IL1RAPL1: variants seen among roughly 807,000 people sequenced by gnomAD.
The protein encoded by IL1RAPL1 is interleukin-1 receptor accessory protein-like 1.
A neutral mutation model predicts 48.4 loss-of-function variants in IL1RAPL1; 3 were observed. The ratio of observed to expected loss-of-function variants is 0.06; its 90% CI spans 0.03 to 0.16. The LOEUF (loss-of-function observed/expected upper bound fraction) is 0.16. Among genes scored for constraint, IL1RAPL1 ranks in the 10% least tolerant of loss-of-function variants. The probability of loss-of-function intolerance (pLI) is 1.00; values close to 1 mark genes in which losing one functional copy is unlikely to be tolerated. For synonymous variants in IL1RAPL1, 185 were observed against 187.7 expected, an observed-to-expected ratio of 0.99 and a Z score of 0.12; for missense variants, 349 against 530.6, an observed-to-expected ratio of 0.66 and a Z score of 3.36.
intron 2 of IL1RAPL1, among the ~76,000 whole-genome samples, chrX:29,211,997 A>G (rs765004945): frequency 4.0e-4 from 44 of 110,630 alleles, no homozygotes; most frequent in Admixed American, 6.8e-4. Flanking sequence ...CTCATATCCA[A>G]ACTTGGATAT....
chrX:28,860,585 G>A (rs1921917458), intron 2 of IL1RAPL1, among the ~76,000 whole-genome samples: 1 of 108,388 alleles, frequency 9.2e-6, no homozygotes, highest in Non-Finnish European at 1.9e-5. Flanking sequence ...AGACTCCCGA[G>A]TAGCTGGGAT....
chrX:29,239,815 G>A (rs1268289183), intron 2 of IL1RAPL1, among the ~76,000 whole-genome samples: 3 of 110,162 alleles, frequency 2.7e-5, no homozygotes, highest in African/African-American at 9.9e-5. Flanking sequence ...TGTGGCCAGG[G>A]GAAGCCAAAA....
Position 29,230,534 on chromosome X carries a change from A to AC in IL1RAPL1, c.83-52404_83-52403insC, listed in dbSNP as rs1676558498. On this transcript the variant is annotated intron_variant, in intron 2 of 10. Transcript: ENST00000378993. ...AAAAAAAAAAAAAAAAAAAAAAAAA[A>AC]ACCTTGTTGTCTCTCAGGCAACCAG... Among the ~76,000 whole-genome samples the AC allele has an allele frequency of 4.0e-5, 4 of 101,190 alleles. No homozygotes were observed. The East Asian group carries it at 1.2e-3, about 30-fold the overall frequency. 87.9% of individuals were successfully genotyped at this position (101,190 alleles called of 115,157 possible). A position where few individuals can be genotyped will look rare whatever the true frequency, so the allele number is the denominator to read the frequency against.
chrX:29,102,580 C>T (rs751088626), intron 2 of IL1RAPL1, among the ~76,000 whole-genome samples: 6 of 108,940 alleles, frequency 5.5e-5, no homozygotes, highest in Middle Eastern at 4.6e-3. Flanking sequence ...GCAGGAGAAT[C>T]GCTTGAACCC....
intron 3 of IL1RAPL1, among the ~76,000 whole-genome samples, chrX:29,346,179 G>A (rs1342853758): frequency 8.9e-6 from 1 of 112,018 alleles, no homozygotes; most frequent in Non-Finnish European, 1.9e-5. Context: ...GATTACATTG[G>A]GCTGATCTGG....
intron 6 of IL1RAPL1, among the ~76,000 whole-genome samples, chrX:29,834,492 A>AT (rs34399580): frequency 0.022 from 1,567 of 72,508 alleles, 9 homozygotes; most frequent in East Asian, 0.048. Flanking sequence ...AAGAAAAAGG[A>AT]TTTTTTTTTT....
intron 6 of IL1RAPL1, among the ~76,000 whole-genome samples, chrX:29,890,630 A>G (rs1410172690): frequency 1.8e-5 from 2 of 112,450 alleles, no homozygotes; most frequent in East Asian, 5.6e-4. Flanking sequence ...TCCAAAATGC[A>G]GATCACTAAA....
intron 2 of IL1RAPL1, among the ~76,000 whole-genome samples, chrX:29,172,489 T>C (rs192421523): frequency 1.8e-5 from 2 of 111,780 alleles, no homozygotes; most frequent in South Asian, 7.6e-4. Context: ...ACAGTTACTC[T>C]AGTGAAGCAA....
intron 1 of IL1RAPL1, among the ~76,000 whole-genome samples, chrX:28,642,248 A>C (rs1569143955): frequency 9.0e-6 from 1 of 111,392 alleles, no homozygotes; most frequent in Non-Finnish European, 1.9e-5. Context: ...TATTAGACAG[A>C]TCATCGAGAT....
chrX:29,623,020 C>T (rs1202209616), intron 5 of IL1RAPL1, among the ~76,000 whole-genome samples: 1 of 108,801 alleles, frequency 9.2e-6, no homozygotes, highest in Non-Finnish European at 1.9e-5. Flanking sequence ...CCTGTAATCC[C>T]AGCGCTTTGG....
chrX:29,710,443 C>T (rs1215126236), intron 6 of IL1RAPL1, among the ~76,000 whole-genome samples: 1 of 104,919 alleles, frequency 9.5e-6, no homozygotes, highest in Non-Finnish European at 2.0e-5. Context: ...TTTTGTTGTT[C>T]GTTTTGTTAA....
At chrX:29,492,764 T>C (rs1935171938) in intron 5 of IL1RAPL1, among the ~76,000 whole-genome samples, 1 of 111,980 alleles carries the variant, frequency 8.9e-6, no homozygotes, top group South Asian at 3.7e-4. Flanking sequence ...CAAGGAAATA[T>C]TCATATATTT....
chrX:28,751,710 G>A (rs1936045635), intron 1 of IL1RAPL1, among the ~76,000 whole-genome samples: 1 of 112,226 alleles, frequency 8.9e-6, no homozygotes, highest in Non-Finnish European at 1.9e-5. Flanking sequence ...AACCAGTTTT[G>A]AGTAACTATC....
At chrX:29,908,861 G>A (rs749487989) in intron 6 of IL1RAPL1, among the ~76,000 whole-genome samples, 2 of 111,560 alleles carry the variant, frequency 1.8e-5, no homozygotes, top group East Asian at 5.6e-4. Flanking sequence ...AATATATGAA[G>A]CCTTTATTTG....
chrX:28,948,672 A>T (rs192157288), intron 2 of IL1RAPL1, among the ~76,000 whole-genome samples: 81 of 111,617 alleles, frequency 7.3e-4, no homozygotes, highest in Admixed American at 2.8e-3. Context: ...TTTAACATTA[A>T]TGCAGTAAGC....
At chrX:29,607,011 A>G (rs1054781090) in intron 5 of IL1RAPL1, among the ~76,000 whole-genome samples, 1 of 112,099 alleles carries the variant, frequency 8.9e-6, no homozygotes, top group South Asian at 3.7e-4. Flanking sequence ...AGTGAAAATT[A>G]TTTTATTGTT....
intron 9 of IL1RAPL1, among the ~76,000 whole-genome samples, chrX:29,951,296 T>C (rs1221801084): frequency 3.6e-5 from 4 of 112,130 alleles, no homozygotes; most frequent in Non-Finnish European, 7.5e-5. Flanking sequence ...AGAGAGAAGA[T>C]AAGATATAAG....
At chrX:29,680,936 A>G (rs1010863580) in intron 6 of IL1RAPL1, among the ~76,000 whole-genome samples, 6 of 111,896 alleles carry the variant, frequency 5.4e-5, no homozygotes, top group African/African-American at 1.9e-4. Flanking sequence ...CCTAAACCAA[A>G]TGGCAGATTC....
intron 3 of IL1RAPL1, among the ~76,000 whole-genome samples, chrX:29,392,207 A>C (rs1933862820): frequency 8.9e-6 from 1 of 112,311 alleles, no homozygotes; most frequent in Non-Finnish European, 1.9e-5. Context: ...TTTTGTGTAG[A>C]CTGCAGCTCA....
Sources: gnomAD v4.1 joint callset for allele counts (sites outside exome capture counted in the v4.1 genomes callset) on GRCh38, gnomAD v4.1.1 for gene constraint, MANE v1.5 for transcripts, NCBI Gene and HGNC (gene_info 2026-07-23, HGNC 2026-07-21) for gene names.